The following BCR variants were observed in gnomAD, a reference collection of about 807,000 sequenced individuals.
The protein encoded by BCR is BCR activator of RhoGEF and GTPase, also known as breakpoint cluster region protein.
Under a neutral mutation model 138.6 loss-of-function variants are expected in BCR, and 58 were observed. The ratio of observed to expected loss-of-function variants is 0.42; its 90% CI spans 0.34 to 0.52. BCR has a LOEUF of 0.52. Ranked by LOEUF, BCR falls within the 20% of genes least tolerant of loss-of-function variation. The probability of loss-of-function intolerance (pLI) is 0.06; values close to 1 mark genes in which losing one functional copy is unlikely to be tolerated. For missense variants in BCR, 1,599 were observed against 1,727.2 expected (o/e 0.93, Z 1.32); for synonymous variants, 786 against 730.1 (o/e 1.08, Z -1.23).
chr22:23,292,747 C>A, intron 15 of BCR, 109 bp downstream of exon 15: 1 of 885,232 alleles, frequency 1.1e-6, no homozygotes, highest in Non-Finnish European at 1.7e-6. Context: ...CCCCCGAAGG[C>A]AGTGCTGCTG....
At chr22:23,204,376 T>G (rs1293790490) in intron 1 of BCR, among the ~76,000 whole-genome samples, 2 of 145,550 alleles carry the variant, frequency 1.4e-5, no homozygotes, top group African/African-American at 5.7e-5. Flanking sequence ...GCAGCATTTT[T>G]AAGATCCGTT....
chr22:23,275,291 T>G (rs2073563506), intron 8 of BCR, among the ~76,000 whole-genome samples: 1 of 152,230 alleles, frequency 6.6e-6, no homozygotes, highest in African/African-American at 2.4e-5. Flanking sequence ...CAGAGTCCCA[T>G]GCCAGCATCG....
chr22:23,305,544 T>G (rs2073947331), intron 16 of BCR, among the ~76,000 whole-genome samples: 1 of 152,174 alleles, frequency 6.6e-6, no homozygotes, highest in African/African-American at 2.4e-5. Context: ...AAGTGGTCAG[T>G]GATGCTTCAG....
intron 16 of BCR, among the ~76,000 whole-genome samples, chr22:23,304,285 T>G (rs1398513639): frequency 2.0e-5 from 3 of 151,930 alleles, no homozygotes; most frequent in Non-Finnish European, 4.4e-5. Flanking sequence ...CGATCTGCTT[T>G]TTGTCTTTAG....
At position 23,290,086 on chromosome 22, in the gene BCR, C is replaced by T. The variant is rs9624075; in HGVS notation, c.2708-253C>T. The T allele has an allele frequency of 7.2e-3, 4,087 of 568,812 alleles. 127 individuals are homozygous for T. Among genetic ancestry groups the T allele is most frequent in the African/African-American group, 0.07 (3,724 of 53,186 alleles). The allele number at this position is 568,812 out of a possible 1,614,324, so 35.2% of individuals were successfully genotyped here. On this transcript the variant is annotated intron_variant, in intron 13 of 22. Transcript: ENST00000305877. The stretch of plus-strand genomic sequence containing the variant: ...ACATCCCACATCACCCCGACCCCCT[C>T]TGCTGTCCTTGGAACCTTATTACAC...
intron 16 of BCR, among the ~76,000 whole-genome samples, chr22:23,301,741 GTCT>G (rs1410104566): frequency 2.0e-5 from 3 of 152,216 alleles, no homozygotes; most frequent in Non-Finnish European, 4.4e-5. Context: ...GGGGAGAGGG[GTCT>G]TCTTGTTCTT....
At chr22:23,189,250 C>T (rs575881011) in intron 1 of BCR, among the ~76,000 whole-genome samples, 12 of 152,304 alleles carry the variant, frequency 7.9e-5, no homozygotes, top group African/African-American at 2.6e-4. Flanking sequence ...GCAACCATCA[C>T]CACTTGTCAA....
At position 23,284,081 on chromosome 22, in the gene BCR, C is replaced by G. The variant is rs144690344; in HGVS notation, c.2220C>G (p.Leu740=). The stretch of plus-strand genomic sequence containing the variant: ...CCGACCTGCTTCTCTGCACCAAGCT[C>G]AAGAAGCAGAGCGGAGGGTGAGTGA... ...LFTDLLLCTK[L]KKQSGGKTQQ... The change falls in exon 9 of 23, where the codon CTC becomes CTG. Residue 740 remains leucine, a synonymous_variant. Transcript: ENST00000305877. The G allele has an allele frequency of 9.3e-6, 15 of 1,612,288 alleles. No homozygotes were observed. The highest frequency in any genetic ancestry group is 2.2e-5 in the East Asian group (1 of 44,818).
intron 4 of BCR, 169 bp downstream of exon 4, chr22:23,261,709 G>A (rs1007268545): frequency 1.7e-6 from 1 of 573,564 alleles, no homozygotes; most frequent in African/African-American, 2.0e-5. Flanking sequence ...TGAGATTACA[G>A]GCGTGAGCCG....
intron 1 of BCR, among the ~76,000 whole-genome samples, chr22:23,183,653 T>C (rs1452694205): frequency 2.0e-5 from 3 of 152,234 alleles, no homozygotes; most frequent in Non-Finnish European, 4.4e-5. Flanking sequence ...ACCAGCCTTG[T>C]CTGGCCAGCT....
Position 23,192,469 on chromosome 22 carries a change from C to T in BCR, c.1279+10230C>T, listed in dbSNP as rs192520237. ...CAGTCAGGCAGGCCTTCCAGCAGGT[C>T]GGCTTTGGTCTGGTGGGAAGACAGC... On this transcript the variant is annotated intron_variant, in intron 1 of 22. Coordinates refer to ENST00000305877, the MANE Select transcript of BCR (RefSeq NM_004327.4). 4.7e-4 allele frequency among the ~76,000 whole-genome samples: 71 copies of T among 152,348 alleles called. 2 individuals are homozygous for T. In the East Asian group the frequency reaches 0.011, roughly 24 times the overall value.
At chr22:23,280,900 C>T (rs546503402) in intron 8 of BCR, among the ~76,000 whole-genome samples, 5 of 152,348 alleles carry the variant, frequency 3.3e-5, no homozygotes, top group South Asian at 2.1e-4. Flanking sequence ...CATGCCCACA[C>T]GGGGTTACTT....
intron 3 of BCR, 120 bp from the exon 4 acceptor site, chr22:23,261,235 T>G (rs1568959902): frequency 7.7e-7 from 1 of 1,299,840 alleles, no homozygotes; most frequent in East Asian, 2.3e-5. Context: ...TTGTATTTGT[T>G]ATGTGATTTA....
At chr22:23,193,218 C>G (rs922558189) in intron 1 of BCR, among the ~76,000 whole-genome samples, 1 of 152,210 alleles carries the variant, frequency 6.6e-6, no homozygotes, top group African/African-American at 2.4e-5. Flanking sequence ...GATGAGCATT[C>G]GAAGCAACCT....
In BCR at chr22:23,181,207, GC is replaced by G; in HGVS notation, c.252del (p.Asp85ThrfsTer94). On this transcript the variant is annotated frameshift_variant, in exon 1 of 23. Transcript: ENST00000305877. LOFTEE classifies it high-confidence loss of function. ...QRWGFRRAAQ[A>X]PDGASEPRAS... ...ATGGGGCTTCCGGCGCGCGGCGCAG[GC>G]CCCCGACGGCGCCTCCGAGCCCCGA... is the stretch of plus-strand genomic sequence containing the variant. 7.9e-7 allele frequency: 1 copy of G among 1,266,934 alleles called. No homozygotes were observed. Among genetic ancestry groups the G allele is most frequent in the Non-Finnish European group, 1.0e-6 (1 of 991,004 alleles). 78.5% of individuals were successfully genotyped at this position (1,266,934 alleles called of 1,614,324 possible).
chr22:23,293,000 C>T lies in BCR; in HGVS notation c.2880+362C>T, dbSNP rs12167734. ...TGAGCTCCCGTGACCCTCTTGGCTTCCGGAAGCCTGGGGCTCTGCTGGTGG... is the reference window on the plus strand; with the variant it reads ...TGAGCTCCCGTGACCCTCTTGGCTTTCGGAAGCCTGGGGCTCTGCTGGTGG... On this transcript the variant is annotated intron_variant, in intron 15 of 22. Transcript: ENST00000305877. Among the ~76,000 whole-genome samples, 736 of 152,114 alleles carry T rather than the reference C, an allele frequency of 4.8e-3. 8 individuals are homozygous for T. Among genetic ancestry groups the T allele is most frequent in the Middle Eastern group, 0.044 (13 of 294 alleles).
chr22:23,314,493 C>T, intron 21 of BCR, 59 bp from the exon 22 acceptor site: 1 of 1,595,842 alleles, frequency 6.3e-7, no homozygotes, highest in South Asian at 1.1e-5. Context: ...AGCCCAGCCC[C>T]TCTGCCTCTC....
intron 13 of BCR, chr22:23,290,052 A>G (rs963296251): frequency 3.7e-6 from 2 of 542,508 alleles, no homozygotes; most frequent in Non-Finnish European, 6.7e-6. Context: ...GTCCACACAC[A>G]CCCCACCCAC....
intron 1 of BCR, among the ~76,000 whole-genome samples, chr22:23,183,507 G>GAA (rs2072297482): frequency 1.3e-5 from 2 of 152,172 alleles, no homozygotes; most frequent in African/African-American, 4.8e-5. Flanking sequence ...GCACGGCTCC[G>GAA]ACCTGCCGTC....
Sources: gnomAD v4.1 joint callset for allele counts (sites outside exome capture counted in the v4.1 genomes callset) on GRCh38, gnomAD v4.1.1 for gene constraint, MANE v1.5 for transcripts, NCBI Gene and HGNC (gene_info 2026-07-23, HGNC 2026-07-21) for gene names.